Variants in IDNK observed in about 807,000 individuals in gnomAD.
IDNK encodes IDNK gluconokinase.
In IDNK, 9 loss-of-function variants were observed where a neutral mutation model predicts 13.0. That is an observed-to-expected ratio of 0.69 (90% CI 0.42 to 1.21). IDNK has a LOEUF of 1.21. Ranked by LOEUF, IDNK falls within the 50% of genes most tolerant of loss-of-function variation. The pLI, the probability that IDNK is intolerant of heterozygous loss-of-function variation, is 0.00. For synonymous variants in IDNK, 92 were observed against 94.9 expected (o/e 0.97, Z 0.18); for missense variants, 210 against 237.8 (o/e 0.88, Z 0.77).
At chr9:83,624,081 T>A (rs1046434771) in intron 1 of IDNK, among the ~76,000 whole-genome samples, 1 of 152,218 alleles carries the variant, frequency 6.6e-6, no homozygotes, top group South Asian at 2.1e-4. Flanking sequence ...TCCAGGTAGA[T>A]GGGTTTTGCT....
chr9:83,631,926 TCTTCAA>T (rs907147999), intron 3 of IDNK, among the ~76,000 whole-genome samples: 94 of 151,998 alleles, frequency 6.2e-4, no homozygotes, highest in Middle Eastern at 3.4e-3. Context: ...ACCTGAATAG[TCTTCAA>T]CTTCAAAGTC....
chr9:83,627,678 G>A (rs1043648846), intron 1 of IDNK, among the ~76,000 whole-genome samples: 7 of 152,034 alleles, frequency 4.6e-5, no homozygotes, highest in Non-Finnish European at 2.9e-5. Context: ...ATGAGATATT[G>A]ACCCATGTCC....
intron 3 of IDNK, among the ~76,000 whole-genome samples, chr9:83,631,451 G>GAACAAAAAACAAAAAAAAA (rs1831010957): frequency 1.8e-5 from 1 of 56,946 alleles, no homozygotes; most frequent in Non-Finnish European, 3.0e-5. Context: ...TACAAAAACT[G>GAACAAAAAACAAAAAAAAA]AAAAAAAAAA....
chr9:83,636,642 C>T (rs1175329567), intron 3 of IDNK, among the ~76,000 whole-genome samples: 1 of 152,172 alleles, frequency 6.6e-6, no homozygotes, highest in Non-Finnish European at 1.5e-5. Flanking sequence ...ACATTAATAA[C>T]TTTATTTTGT....
At chr9:83,641,668 A>C in intron 4 of IDNK, 77 bp downstream of exon 4, 1 of 1,419,222 alleles carries the variant, frequency 7.0e-7, no homozygotes, top group Non-Finnish European at 9.9e-7. Context: ...GGGAAAAAAA[A>C]TACACTCCTG....
In IDNK at chr9:83,627,634, T is replaced by A. The variant is rs1167704626; in HGVS notation, c.51-547T>A. Among the ~76,000 whole-genome samples the A allele has an allele frequency of 2.0e-5, 3 of 152,160 alleles. No individual in the cohort carries two copies. In the East Asian group the frequency reaches 5.8e-4, roughly 29 times the overall value. On this transcript the variant is annotated intron_variant, in intron 1 of 4. Coordinates refer to ENST00000376419, the MANE Select transcript of IDNK (RefSeq NM_001001551.4). ...TACCAAATGCTCTACACAGAGAACA[T>A]TTAACCCCCAGTCTTAACAAGTGCC... is the stretch of plus-strand genomic sequence containing the variant.
chr9:83,624,810 T>C (rs1217495921), intron 1 of IDNK, among the ~76,000 whole-genome samples: 1 of 151,620 alleles, frequency 6.6e-6, no homozygotes, highest in Non-Finnish European at 1.5e-5. Flanking sequence ...TCCTCCCGGG[T>C]TCAAGCAATT....
chr9:83,626,802 A>G, intron 1 of IDNK: 1 of 1,151,374 alleles, frequency 8.7e-7, no homozygotes, highest in South Asian at 1.7e-5. Context: ...ACTCATCCGT[A>G]GGCTGCATGT....
intron 3 of IDNK, among the ~76,000 whole-genome samples, chr9:83,633,785 T>C (rs890200353): frequency 1.3e-5 from 2 of 151,424 alleles, no homozygotes; most frequent in African/African-American, 4.9e-5. Flanking sequence ...GCAAAGGGAG[T>C]CTTTCTAACT....
At chr9:83,641,492 A>C (rs770008644) in intron 3 of IDNK, 56 bp from the exon 4 acceptor site, 308 of 1,586,896 alleles carry the variant, frequency 1.9e-4, no homozygotes, top group Non-Finnish European at 2.6e-4. Context: ...CTCTACAAAC[A>C]AACAATACCT....
intron 1 of IDNK, among the ~76,000 whole-genome samples, chr9:83,624,391 T>G (rs961827890): frequency 2.0e-5 from 3 of 152,190 alleles, no homozygotes; most frequent in Non-Finnish European, 4.4e-5. Flanking sequence ...CAGTAATTAT[T>G]GAGCTCAATC....
At chr9:83,631,138 C>T (rs1172023141) in intron 3 of IDNK, among the ~76,000 whole-genome samples, 1 of 151,938 alleles carries the variant, frequency 6.6e-6, no homozygotes, top group African/African-American at 2.4e-5. Flanking sequence ...CCTCCCCGCA[C>T]TGCCCCCATG....
chr9:83,628,043 C>A, intron 1 of IDNK, 138 bp from the exon 2 acceptor site: 1 of 1,479,122 alleles, frequency 6.8e-7, no homozygotes, highest in Non-Finnish European at 9.0e-7. Flanking sequence ...TCACGGGCAT[C>A]ACTGCTTTAG....
intron 3 of IDNK, among the ~76,000 whole-genome samples, chr9:83,629,724 G>C (rs1423584707): frequency 6.6e-6 from 1 of 152,214 alleles, no homozygotes; most frequent in Non-Finnish European, 1.5e-5. Flanking sequence ...CTCAACAACT[G>C]ATGGTCTGAG....
intron 3 of IDNK, 32 bp from the exon 4 acceptor site, chr9:83,641,516 T>A (rs2811917): frequency 0.5 from 801,485 of 1,610,520 alleles, 208,134 homozygotes; most frequent in African/African-American, 0.72. Flanking sequence ...GAAGTCACGT[T>A]GTGTCTGGGT....
chr9:83,633,376 T>C (rs912685596), intron 3 of IDNK, among the ~76,000 whole-genome samples: 6 of 152,186 alleles, frequency 3.9e-5, no homozygotes, highest in African/African-American at 1.2e-4. Context: ...CCTGTCCTCC[T>C]GCTGTGTTAT....
chr9:83,632,411 C>T (rs553630036), intron 3 of IDNK, among the ~76,000 whole-genome samples: 3 of 151,996 alleles, frequency 2.0e-5, no homozygotes, highest in Non-Finnish European at 2.9e-5. Context: ...GGCTGGGAGT[C>T]GGGAGTGCAC....
intron 1 of IDNK, among the ~76,000 whole-genome samples, chr9:83,625,236 T>C (rs759163287): frequency 3.9e-5 from 6 of 152,084 alleles, no homozygotes; most frequent in African/African-American, 1.2e-4. Flanking sequence ...GCCTGAGTAA[T>C]TGGAAGGAGG....
In IDNK at chr9:83,623,213, C is replaced by T; in HGVS notation, c.42C>T (p.Gly14=). The T allele has an allele frequency of 7.1e-7, 1 of 1,405,154 alleles. No individual in the cohort carries two copies. The highest frequency in any genetic ancestry group is 9.2e-7 in the Non-Finnish European group (1 of 1,084,098). 87.0% of individuals were successfully genotyped at this position (1,405,154 alleles called of 1,614,324 possible). Residue 14 remains glycine, a synonymous_variant, in exon 1 of 5, where the codon GGC becomes GGT. Transcript: ENST00000376419. Reference sequence around the variant, plus strand: ...CGCTGCTGGTGATGGGCGTGAGCGGCTCGGGGAAGTAGGTCCGGGAGAGGG... The same window carrying T: ...CGCTGCTGGTGATGGGCGTGAGCGGTTCGGGGAAGTAGGTCCGGGAGAGGG... The part of the protein sequence containing the change: ...PGALLVMGVS[G]SGKSTVGALL...
Sources: allele counts gnomAD v4.1 joint callset (sites outside exome capture counted in the v4.1 genomes callset), GRCh38; gene constraint gnomAD v4.1.1; transcripts MANE v1.5; gene names NCBI Gene and HGNC (gene_info 2026-07-23, HGNC 2026-07-21).